PIP4P2: variants seen among roughly 807,000 people sequenced by gnomAD.
PIP4P2 encodes the protein phosphatidylinositol-4,5-bisphosphate 4-phosphatase 2, also known as type 2 phosphatidylinositol 4,5-bisphosphate 4-phosphatase.
PIP4P2 carries 19 observed loss-of-function variants against 33.3 expected under a neutral mutation model. The ratio of observed to expected loss-of-function variants is 0.57; its 90% CI spans 0.40 to 0.84. The LOEUF (loss-of-function observed/expected upper bound fraction) is 0.84, where lower values mean the gene tolerates loss of function less well. Among genes scored for constraint, PIP4P2 ranks in the 40% least tolerant of loss-of-function variants. The pLI is 0.00. For synonymous variants in PIP4P2, 110 were observed against 111.9 expected (o/e 0.98, Z 0.11); for missense variants, 270 against 324.7 (o/e 0.83, Z 1.29).
intron 1 of PIP4P2, among the ~76,000 whole-genome samples, chr8:91,023,580 G>A (rs1342130228): frequency 6.6e-6 from 1 of 151,294 alleles, no homozygotes; most frequent in Non-Finnish European, 1.5e-5. Context: ...AAAAAAAAAC[G>A]CCTTCAATGA....
intron 1 of PIP4P2, among the ~76,000 whole-genome samples, chr8:91,023,429 ACACT>A (rs1365419929): frequency 6.6e-6 from 1 of 152,010 alleles, no homozygotes; most frequent in Non-Finnish European, 1.5e-5. Context: ...ACCAACCCAT[ACACT>A]CCTCAGCTTT....
intron 5 of PIP4P2, among the ~76,000 whole-genome samples, chr8:91,005,022 G>A (rs1436912339): frequency 1.3e-5 from 2 of 152,142 alleles, no homozygotes; most frequent in African/African-American, 4.8e-5. Flanking sequence ...AGTTATCTTG[G>A]TGAAGGAAGG....
rs781013025 is a variant in PIP4P2, at chr8:91,021,457, G to A, written c.107-53C>T. ...AGTCTTGGAGAAATTACTATGGCTG[G>A]TTTGAGTATAGAGGCAATATAAGTA... On this transcript the variant is annotated intron_variant, in intron 1 of 6. Coordinates refer to ENST00000285419, the MANE Select transcript of PIP4P2 (RefSeq NM_018710.3). 3.1e-6 allele frequency: 5 copies of A among 1,594,642 alleles called. No individual in the cohort carries two copies. The East Asian group carries it at 8.9e-5, about 29-fold the overall frequency.
chr8:91,028,238 T>G (rs948186920), intron 1 of PIP4P2, among the ~76,000 whole-genome samples: 2 of 152,182 alleles, frequency 1.3e-5, no homozygotes, highest in African/African-American at 4.8e-5. Context: ...TCTAAGTATT[T>G]TAACCAGCAA....
intron 4 of PIP4P2, among the ~76,000 whole-genome samples, chr8:91,015,811 A>G (rs1466551644): frequency 6.6e-6 from 1 of 152,176 alleles, no homozygotes; most frequent in Non-Finnish European, 1.5e-5. Flanking sequence ...ACACCTTAGA[A>G]CTTTCTAAAA....
intron 5 of PIP4P2, among the ~76,000 whole-genome samples, chr8:91,005,151 T>C (rs1024383072): frequency 1.3e-5 from 2 of 152,174 alleles, no homozygotes; most frequent in Non-Finnish European, 1.5e-5. Context: ...AATGAATTTA[T>C]CATCTTCTGC....
intron 6 of PIP4P2, 37 bp downstream of exon 6, chr8:90,996,617 A>G (rs1259287274): frequency 1.3e-6 from 2 of 1,552,028 alleles, no homozygotes; most frequent in South Asian, 2.3e-5. Context: ...GATAAAGTTG[A>G]GAGGACAGAA....
chr8:91,000,129 C>A (rs1415224440), intron 5 of PIP4P2, among the ~76,000 whole-genome samples: 1 of 151,976 alleles, frequency 6.6e-6, no homozygotes, highest in Admixed American at 6.6e-5. Flanking sequence ...TTAAATCCAT[C>A]TTCCTGATAA....
intron 5 of PIP4P2, among the ~76,000 whole-genome samples, chr8:90,999,325 G>C (rs540767023): frequency 6.6e-6 from 1 of 151,968 alleles, no homozygotes; most frequent in Non-Finnish European, 1.5e-5. Flanking sequence ...GAATACAGAA[G>C]TTTAAAAATA....
At chr8:91,004,231 C>T (rs1202548360) in intron 5 of PIP4P2, among the ~76,000 whole-genome samples, 1 of 151,992 alleles carries the variant, frequency 6.6e-6, no homozygotes, top group Non-Finnish European at 1.5e-5. Flanking sequence ...TCCCAGAGTC[C>T]AAAGGTCAGA....
chr8:91,031,681 G>A (rs1812165972), intron 1 of PIP4P2, among the ~76,000 whole-genome samples: 1 of 152,138 alleles, frequency 6.6e-6, no homozygotes, highest in African/African-American at 2.4e-5. Flanking sequence ...ATAAAACAGT[G>A]CATGCTAGTT....
At chr8:91,040,565 C>T in intron 1 of PIP4P2, 79 bp downstream of exon 1, 1 of 1,526,250 alleles carries the variant, frequency 6.6e-7, no homozygotes, top group South Asian at 1.1e-5. Flanking sequence ...CAAGCTAGAG[C>T]TCCCAGGTCT....
intron 1 of PIP4P2, among the ~76,000 whole-genome samples, chr8:91,031,045 T>G (rs1232177483): frequency 6.6e-6 from 1 of 152,198 alleles, no homozygotes; most frequent in Non-Finnish European, 1.5e-5. Context: ...AGCTGGGTCA[T>G]AAAAGACCAC....
At chr8:91,026,994 A>C (rs1037078894) in intron 1 of PIP4P2, among the ~76,000 whole-genome samples, 1 of 152,216 alleles carries the variant, frequency 6.6e-6, no homozygotes, top group African/African-American at 2.4e-5. Context: ...GAAAATGAGA[A>C]GCTCCGGTCT....
chr8:91,037,014 A>T (rs190956476), intron 1 of PIP4P2, among the ~76,000 whole-genome samples: 1 of 152,328 alleles, frequency 6.6e-6, no homozygotes, highest in East Asian at 1.9e-4. Flanking sequence ...TTACATGACA[A>T]GTTACTTTCC....
At chr8:91,030,213 CAA>C (rs35093838) in intron 1 of PIP4P2, among the ~76,000 whole-genome samples, 3,170 of 114,742 alleles carry the variant, frequency 0.028, 98 homozygotes, top group African/African-American at 0.098. Context: ...GACTCCATCT[CAA>C]AAAAAAAAAA....
chr8:91,019,309 C>G (rs1485339672), intron 3 of PIP4P2, among the ~76,000 whole-genome samples: 1 of 134,780 alleles, frequency 7.4e-6, no homozygotes, highest in African/African-American at 2.8e-5. Flanking sequence ...GGCATGGTGG[C>G]TCATGCCTGT....
intron 3 of PIP4P2, 195 bp from the exon 4 acceptor site, chr8:91,018,708 G>A: frequency 1.5e-6 from 1 of 649,176 alleles, no homozygotes; most frequent in Non-Finnish European, 2.5e-6. Flanking sequence ...TCTGTACTTG[G>A]GATAGAAACA....
chr8:90,999,394 C>A (rs1811673199), intron 5 of PIP4P2, among the ~76,000 whole-genome samples: 1 of 152,180 alleles, frequency 6.6e-6, no homozygotes, highest in Admixed American at 6.6e-5. Context: ...GGTTGGTAGT[C>A]AGCTGTACTC....
Sources: gnomAD v4.1 joint callset for allele counts (sites outside exome capture counted in the v4.1 genomes callset) on GRCh38, gnomAD v4.1.1 for gene constraint, MANE v1.5 for transcripts, NCBI Gene and HGNC (gene_info 2026-07-23, HGNC 2026-07-21) for gene names.